Variants in UBR3 observed in about 807,000 individuals in gnomAD.
The protein encoded by UBR3 is E3 ubiquitin-protein ligase UBR3.
In UBR3, 85 loss-of-function variants were observed where a neutral mutation model predicts 243.2. The ratio of observed to expected loss-of-function variants is 0.35; its 90% CI spans 0.29 to 0.42. The LOEUF is 0.42. Ranked by LOEUF, UBR3 falls within the 10% of genes least tolerant of loss-of-function variation. The pLI, the probability that UBR3 is intolerant of heterozygous loss-of-function variation, is 1.00. For synonymous variants in UBR3, 748 were observed against 799.8 expected, an observed-to-expected ratio of 0.94 and a Z score of 1.09; for missense variants, 1,686 against 2,300.8, an observed-to-expected ratio of 0.73 and a Z score of 5.47.
At chr2:169,973,323 G>T in intron 24 of UBR3, among the ~76,000 whole-genome samples, 1 of 145,326 alleles carries the variant, frequency 6.9e-6, no homozygotes, top group Non-Finnish European at 1.5e-5. Flanking sequence ...TCAGTATTGT[G>T]AAAATGGCCA....
intron 1 of UBR3, among the ~76,000 whole-genome samples, chr2:169,847,114 TGTGTGTGTGTGC>T (rs1198864724): frequency 0.03 from 1,589 of 53,712 alleles, 13 homozygotes; most frequent in African/African-American, 0.057. Flanking sequence ...TGTGTGTGTG[TGTGTGTGTGTGC>T]GCTGGCAGTT....
intron 30 of UBR3, among the ~76,000 whole-genome samples, chr2:170,026,885 G>T (rs554417062): frequency 6.6e-6 from 1 of 151,756 alleles, no homozygotes; most frequent in Admixed American, 6.6e-5. Context: ...ATATTCATCT[G>T]GTATAAGACG....
intron 19 of UBR3, among the ~76,000 whole-genome samples, chr2:169,939,990 T>C (rs1018268456): frequency 2.0e-5 from 3 of 152,174 alleles, no homozygotes; most frequent in Non-Finnish European, 2.9e-5. Context: ...TTTATTGTTA[T>C]AGATTTTAAA....
intron 30 of UBR3, among the ~76,000 whole-genome samples, chr2:170,020,512 C>T (rs1421467403): frequency 6.6e-6 from 1 of 152,194 alleles, no homozygotes; most frequent in Non-Finnish European, 1.5e-5. Flanking sequence ...TCAGTTTCCT[C>T]ATCTATAAAA....
At chr2:169,908,738 C>T (rs942177906) in intron 10 of UBR3, among the ~76,000 whole-genome samples, 1 of 151,124 alleles carries the variant, frequency 6.6e-6, no homozygotes, top group African/African-American at 2.4e-5. Context: ...GGACCCAGCT[C>T]TGTGAATATT....
intron 1 of UBR3, among the ~76,000 whole-genome samples, chr2:169,858,731 C>T (rs2082978578): frequency 6.6e-6 from 1 of 152,110 alleles, no homozygotes; most frequent in East Asian, 1.9e-4. Context: ...TCCTGAGTAG[C>T]TGGGATTACA....
At chr2:170,042,080 C>T (rs993270920) in intron 32 of UBR3, among the ~76,000 whole-genome samples, 10 of 152,168 alleles carry the variant, frequency 6.6e-5, no homozygotes, top group African/African-American at 2.2e-4. Context: ...ACATTTTCAT[C>T]AGCCCCAAAG....
At chr2:169,884,156 CTTTT>C (rs757405113) in intron 5 of UBR3, among the ~76,000 whole-genome samples, 1 of 130,398 alleles carries the variant, frequency 7.7e-6, no homozygotes, top group African/African-American at 2.9e-5. Context: ...GGAGAGCTGA[CTTTT>C]TTTTTTTTTT....
intron 26 of UBR3, among the ~76,000 whole-genome samples, chr2:169,997,592 G>C (rs772437179): frequency 2.0e-5 from 3 of 152,058 alleles, no homozygotes; most frequent in Non-Finnish European, 4.4e-5. Flanking sequence ...AGCCGGCCAG[G>C]AGCATGTTAC....
chr2:169,948,005 T>C (rs1409139844), intron 22 of UBR3: 2 of 923,154 alleles, frequency 2.2e-6, no homozygotes, highest in East Asian at 2.3e-4. Context: ...AAAACCGCTT[T>C]GAAGTATTTG....
At chr2:169,902,576 A>G (rs1322141165) in intron 8 of UBR3, among the ~76,000 whole-genome samples, 1 of 149,892 alleles carries the variant, frequency 6.7e-6, no homozygotes, top group East Asian at 1.9e-4. Flanking sequence ...GCTTTATTTT[A>G]TAGGCCTCAG....
intron 35 of UBR3, among the ~76,000 whole-genome samples, chr2:170,071,372 A>T (rs189120334): frequency 4.4e-4 from 67 of 152,324 alleles, no homozygotes; most frequent in Non-Finnish European, 7.1e-4. Context: ...TCTCAAAATA[A>T]GTGAAAGAGG....
At chr2:170,010,922 A>T (rs2090063413) in intron 29 of UBR3, among the ~76,000 whole-genome samples, 1 of 148,742 alleles carries the variant, frequency 6.7e-6, no homozygotes, top group African/African-American at 2.5e-5. Context: ...TCAGAACTTG[A>T]GAGACCAAGG....
chr2:169,967,169 A>T (rs1159384237), intron 24 of UBR3, among the ~76,000 whole-genome samples: 6 of 152,124 alleles, frequency 3.9e-5, no homozygotes, highest in African/African-American at 1.4e-4. Context: ...AGAGCTATTA[A>T]TCAAGAAGTT....
chr2:170,047,688 A>G (rs1232583006), intron 32 of UBR3, among the ~76,000 whole-genome samples: 2 of 152,226 alleles, frequency 1.3e-5, no homozygotes, highest in Non-Finnish European at 2.9e-5. Context: ...TTTTGTTACC[A>G]GTGGTCAACT....
chr2:169,898,591 C>CT (rs1435900042), intron 8 of UBR3, among the ~76,000 whole-genome samples: 3 of 151,018 alleles, frequency 2.0e-5, no homozygotes, highest in African/African-American at 7.3e-5. Context: ...TTCTTACCTA[C>CT]TTTGTGAGTC....
In UBR3 at chr2:169,946,321, G is replaced by A. The variant is rs200149661; in HGVS notation, c.2839G>A (p.Val947Ile). Residue 947 changes from valine to isoleucine, a missense_variant, in exon 21 of 39, where the codon GTA (valine) becomes ATA (isoleucine). Transcript: ENST00000272793. ...GGATCATCAAAATCTGTCAGAACATGTACTCTGCATGGTTTTATATCTGAT... is the reference window on the plus strand; with the variant it reads ...GGATCATCAAAATCTGTCAGAACATATACTCTGCATGGTTTTATATCTGAT... ...LMDHQNLSEH[V>I]LCMVLYLIEL... The A allele has an allele frequency of 4.0e-6, 6 of 1,516,710 alleles. No individual in the cohort carries two copies. The highest frequency in any genetic ancestry group is 3.5e-6 in the Non-Finnish European group (4 of 1,131,164). 94.0% of individuals were successfully genotyped at this position (1,516,710 alleles called of 1,614,324 possible). A position where few individuals can be genotyped will look rare whatever the true frequency, so the allele number is the denominator to read the frequency against.
chr2:169,878,570 A>G lies in UBR3; in HGVS notation c.1034A>G (p.Asp345Gly). The change falls in exon 5 of 39, where the codon GAT becomes GGT. Residue 345 changes from aspartate (D) to glycine (G), a missense_variant. By Grantham distance (94) the Asp-to-Gly change is moderately conservative. Coordinates refer to ENST00000272793, the MANE Select transcript of UBR3 (RefSeq NM_172070.4). ...TGTLGQVDSSDEDDQDGSQGL... is the reference protein window; with the variant it reads ...TGTLGQVDSSGEDDQDGSQGL... The stretch of plus-strand genomic sequence containing the variant: ...ACTTTGGGACAAGTGGATTCTTCAG[A>G]TGAGGTGAGATTTAAAGTTCAAAAC... 1 of 1,550,464 alleles carries G rather than the reference A, an allele frequency of 6.4e-7. No homozygotes were observed. Among genetic ancestry groups the G allele is most frequent in the Non-Finnish European group, 8.7e-7 (1 of 1,146,356 alleles).
intron 18 of UBR3, among the ~76,000 whole-genome samples, chr2:169,929,528 A>T (rs1374672663): frequency 6.6e-6 from 1 of 152,132 alleles, no homozygotes; most frequent in Non-Finnish European, 1.5e-5. Context: ...GTGAGACCCT[A>T]TCGTGGCCAC....
Sources: gnomAD v4.1 joint callset for allele counts (sites outside exome capture counted in the v4.1 genomes callset) on GRCh38, gnomAD v4.1.1 for gene constraint, MANE v1.5 for transcripts, NCBI Gene and HGNC (gene_info 2026-07-23, HGNC 2026-07-21) for gene names.